HTR7: variants seen among roughly 807,000 people sequenced by gnomAD.
HTR7 encodes the protein 5-hydroxytryptamine receptor 7.
Under a neutral mutation model 34.0 loss-of-function variants are expected in HTR7, and 16 were observed. The observed-to-expected ratio is 0.47, with a 90% confidence interval of 0.32 to 0.71. The LOEUF (loss-of-function observed/expected upper bound fraction) is 0.71, where lower values mean the gene tolerates loss of function less well. Among genes scored for constraint, HTR7 ranks in the 30% least tolerant of loss-of-function variants. The pLI is 0.04. For missense variants in HTR7, 504 were observed against 625.5 expected (o/e 0.81, Z 2.07); for synonymous variants, 265 against 260.2 (o/e 1.02, Z -0.18).
intron 1 of HTR7, among the ~76,000 whole-genome samples, chr10:90,800,635 C>T (rs1209585568): frequency 6.6e-6 from 1 of 152,052 alleles, no homozygotes; most frequent in African/African-American, 2.4e-5. Flanking sequence ...CGTGTTTTCT[C>T]TATTCTCTTT....
intron 1 of HTR7, among the ~76,000 whole-genome samples, chr10:90,831,563 G>T (rs1846179023): frequency 6.6e-6 from 1 of 152,176 alleles, no homozygotes; most frequent in Non-Finnish European, 1.5e-5. Flanking sequence ...CTGTGGAAAG[G>T]GACCCCAGCG....
At chr10:90,771,205 T>C (rs1421742908) in intron 1 of HTR7, among the ~76,000 whole-genome samples, 1 of 152,204 alleles carries the variant, frequency 6.6e-6, no homozygotes, top group Non-Finnish European at 1.5e-5. Flanking sequence ...TGGGACACCC[T>C]GGCCTTAGAA....
rs932182334 is a variant in HTR7 at position 90,782,414 on chromosome 10, A to G, written c.540-32820T>C. Among the ~76,000 whole-genome samples, 10 of 152,206 alleles carry G rather than the reference A, an allele frequency of 6.6e-5. 1 individual carries two copies. Among genetic ancestry groups the G allele is most frequent in the African/African-American group, 1.9e-4 (8 of 41,458 alleles). Reference sequence around the variant, plus strand: ...CCATATTATATTTTCAATACAATGCATGATACATAGTATGCCCCTAATAAG... The same window carrying G: ...CCATATTATATTTTCAATACAATGCGTGATACATAGTATGCCCCTAATAAG... On this transcript the variant is annotated intron_variant, in intron 1 of 3. Coordinates refer to ENST00000336152, the MANE Select transcript of HTR7 (RefSeq NM_019859.4).
chr10:90,846,098 T>C (rs577759963), intron 1 of HTR7, among the ~76,000 whole-genome samples: 3 of 152,366 alleles, frequency 2.0e-5, no homozygotes, highest in South Asian at 2.1e-4. Flanking sequence ...CTTAGAATCT[T>C]TTTTATATTT....
intron 1 of HTR7, among the ~76,000 whole-genome samples, chr10:90,822,924 G>C (rs1421249763): frequency 6.6e-6 from 1 of 152,250 alleles, no homozygotes; most frequent in African/African-American, 2.4e-5. Context: ...CTTCCATGTG[G>C]TATTAAGCCT....
At chr10:90,795,489 G>C (rs1845524211) in intron 1 of HTR7, among the ~76,000 whole-genome samples, 2 of 152,162 alleles carry the variant, frequency 1.3e-5, no homozygotes, top group South Asian at 4.1e-4. Flanking sequence ...GATAAAGGTA[G>C]AAGACATTAT....
chr10:90,818,204 C>T (rs768522250), intron 1 of HTR7, among the ~76,000 whole-genome samples: 5 of 152,156 alleles, frequency 3.3e-5, no homozygotes, highest in Non-Finnish European at 5.9e-5. Context: ...CCTTTATTAA[C>T]GTAACATTGT....
intron 1 of HTR7, among the ~76,000 whole-genome samples, chr10:90,771,426 A>G (rs1845109344): frequency 6.6e-6 from 1 of 152,212 alleles, no homozygotes; most frequent in Non-Finnish European, 1.5e-5. Context: ...AGGCAAAGAG[A>G]AGGAGAGAAG....
chr10:90,831,421 G>C (rs1454405519), intron 1 of HTR7, among the ~76,000 whole-genome samples: 1 of 151,992 alleles, frequency 6.6e-6, no homozygotes, highest in African/African-American at 2.4e-5. Context: ...CGGTGGGTTC[G>C]TGGTCTCGGT....
intron 1 of HTR7, among the ~76,000 whole-genome samples, chr10:90,809,854 C>G (rs965463398): frequency 6.6e-6 from 1 of 152,242 alleles, no homozygotes; most frequent in Non-Finnish European, 1.5e-5. Context: ...GCCCAAGGCT[C>G]TCTGACTGCT....
intron 1 of HTR7, among the ~76,000 whole-genome samples, chr10:90,779,981 G>A (rs1408926828): frequency 6.6e-6 from 1 of 152,178 alleles, no homozygotes; most frequent in African/African-American, 2.4e-5. Context: ...CCTGCATGCA[G>A]GCTAGGTTAG....
At chr10:90,834,633 C>T (rs1046072639) in intron 1 of HTR7, among the ~76,000 whole-genome samples, 3 of 152,034 alleles carry the variant, frequency 2.0e-5, no homozygotes, top group African/African-American at 4.8e-5. Context: ...ACTTGACTGG[C>T]GACTGGCAGC....
intron 1 of HTR7, among the ~76,000 whole-genome samples, chr10:90,830,614 C>A (rs952885092): frequency 6.6e-6 from 1 of 151,908 alleles, no homozygotes; most frequent in Non-Finnish European, 1.5e-5. Context: ...GATGAAACCC[C>A]ATCTCTACAA....
At chr10:90,811,613 G>C (rs190117759) in intron 1 of HTR7, among the ~76,000 whole-genome samples, 1 of 151,932 alleles carries the variant, frequency 6.6e-6, no homozygotes, top group African/African-American at 2.4e-5. Flanking sequence ...ATCTATCCTC[G>C]AGGAAATAAC....
At chr10:90,789,260 A>C (rs559705639) in intron 1 of HTR7, among the ~76,000 whole-genome samples, 2 of 152,316 alleles carry the variant, frequency 1.3e-5, no homozygotes, top group African/African-American at 4.8e-5. Flanking sequence ...ATTCTCAAGC[A>C]ATTCTCAAGG....
intron 1 of HTR7, among the ~76,000 whole-genome samples, chr10:90,787,517 A>G (rs1359942149): frequency 2.6e-5 from 4 of 152,052 alleles, no homozygotes; most frequent in East Asian, 3.9e-4. Flanking sequence ...AAAAAAAATA[A>G]TAAGACAAAG....
chr10:90,779,917 C>A (rs1205294063), intron 1 of HTR7, among the ~76,000 whole-genome samples: 2 of 152,170 alleles, frequency 1.3e-5, no homozygotes, highest in Non-Finnish European at 2.9e-5. Context: ...ACCCCATCCC[C>A]AACCCTTTTC....
In HTR7 at chr10:90,741,625, A is replaced by T. The variant is rs546360305; in HGVS notation, c.*857T>A. The T allele has an allele frequency of 6.6e-5, 10 of 152,610 alleles. No homozygotes were observed. Among genetic ancestry groups the T allele is most frequent in the African/African-American group, 2.4e-4 (10 of 41,578 alleles). 9.5% of individuals were successfully genotyped at this position (152,610 alleles called of 1,614,324 possible). On this transcript the variant is annotated 3_prime_UTR_variant, in exon 4 of 4. Transcript: ENST00000336152. The stretch of plus-strand genomic sequence containing the variant: ...CCCACACTTCTTCCACATAACATAC[A>T]GTTATGGGCCAGCCCATGGGTGGGC...
intron 1 of HTR7, among the ~76,000 whole-genome samples, chr10:90,769,368 T>G (rs1342647917): frequency 6.6e-6 from 1 of 152,208 alleles, no homozygotes; most frequent in Non-Finnish European, 1.5e-5. Flanking sequence ...TCATTACTTT[T>G]GATAATTGTT....
Sources: gnomAD v4.1 joint callset for allele counts (sites outside exome capture counted in the v4.1 genomes callset) on GRCh38, gnomAD v4.1.1 for gene constraint, MANE v1.5 for transcripts, NCBI Gene and HGNC (gene_info 2026-07-23, HGNC 2026-07-21) for gene names.